Variants in LAPTM4B observed in about 807,000 individuals in gnomAD.
The protein encoded by LAPTM4B is lysosomal protein transmembrane 4 beta.
In LAPTM4B, 26 loss-of-function variants were observed where a neutral mutation model predicts 28.5. That is an observed-to-expected ratio of 0.91 (90% CI 0.67 to 1.27). The LOEUF (loss-of-function observed/expected upper bound fraction) is 1.27. Among genes scored for constraint, LAPTM4B ranks in the 50% most tolerant of loss-of-function variants. The probability of loss-of-function intolerance (pLI) is 0.00; values close to 1 mark genes in which losing one functional copy is unlikely to be tolerated. For missense variants in LAPTM4B, 288 were observed against 285.8 expected (o/e 1.01, Z -0.06); for synonymous variants, 109 against 106.4 (o/e 1.02, Z -0.15).
rs145168693 is a variant in LAPTM4B, at chr8:97,801,218, G to T, written c.100-4135G>T. Among the ~76,000 whole-genome samples, 901 of 140,266 alleles carry T rather than the reference G, an allele frequency of 6.4e-3. 7 individuals carry two copies. The highest frequency in any genetic ancestry group is 0.022 in the African/African-American group (848 of 37,858). 92.0% of individuals were successfully genotyped at this position (140,266 alleles called of 152,430 possible). A position where few individuals can be genotyped will look rare whatever the true frequency, so the allele number is the denominator to read the frequency against. Reference sequence around the variant, plus strand: ...TTTGAGATGGAGTTTCGCTCTTGTTGCCCAGGCTGGAGTGCAATGGTGCCA... The same window carrying T: ...TTTGAGATGGAGTTTCGCTCTTGTTTCCCAGGCTGGAGTGCAATGGTGCCA... On this transcript the variant is annotated intron_variant, in intron 1 of 6. Transcript: ENST00000521545.
chr8:97,777,839 A>G (rs1816250557), intron 1 of LAPTM4B, among the ~76,000 whole-genome samples: 1 of 152,212 alleles, frequency 6.6e-6, no homozygotes, highest in African/African-American at 2.4e-5. Context: ...GTGGCTCAAA[A>G]TAGTTGGTGC....
At chr8:97,834,570 T>C (rs779396287) in intron 6 of LAPTM4B, among the ~76,000 whole-genome samples, 26 of 150,466 alleles carry the variant, frequency 1.7e-4, no homozygotes, top group Non-Finnish European at 3.4e-4. Flanking sequence ...TGTGTGTGTT[T>C]ATGTGTGTGT....
chr8:97,821,602 G>A lies in LAPTM4B; in HGVS notation c.507+2364G>A, dbSNP rs116418011. 6.0e-3 allele frequency among the ~76,000 whole-genome samples: 904 copies of A among 151,750 alleles called. 6 individuals are homozygous for A. Among genetic ancestry groups the A allele is most frequent in the African/African-American group, 0.021 (848 of 41,054 alleles). ...AGGTAGTGGTGCATCAAGCGTAGCTGTGACGGTTTTGCATATGCTCTGCTA... is the reference window on the plus strand; with the variant it reads ...AGGTAGTGGTGCATCAAGCGTAGCTATGACGGTTTTGCATATGCTCTGCTA... On this transcript the variant is annotated intron_variant, in intron 5 of 6. Coordinates refer to ENST00000521545, the MANE Select transcript of LAPTM4B (RefSeq NM_018407.6).
chr8:97,789,058 ATTTATTTATT>A (rs1563602190), intron 1 of LAPTM4B, among the ~76,000 whole-genome samples: 6 of 80,418 alleles, frequency 7.5e-5, no homozygotes, highest in African/African-American at 3.8e-4. Flanking sequence ...TTATTTATTT[ATTTATTTATT>A]TATTTATTTA....
rs1460159560 is a variant in LAPTM4B at position 97,836,656 on chromosome 8, G to A, written c.603+11503G>A. On this transcript the variant is annotated intron_variant, in intron 6 of 6. Coordinates refer to ENST00000521545, the MANE Select transcript of LAPTM4B (RefSeq NM_018407.6). ...GTGAGGTTGATATTTAGCCAAAATGGTATATAAGAATTCTGATTGCAGATA... is the reference window on the plus strand; with the variant it reads ...GTGAGGTTGATATTTAGCCAAAATGATATATAAGAATTCTGATTGCAGATA... Among the ~76,000 whole-genome samples the A allele has an allele frequency of 2.0e-5, 3 of 151,918 alleles. No homozygotes were observed. In the South Asian group the frequency reaches 6.2e-4, roughly 32 times the overall value.
In LAPTM4B at chr8:97,825,136, A is replaced by G. The variant is rs1377833910; in HGVS notation, c.586A>G (p.Thr196Ala). 4 of 1,595,130 alleles carry G rather than the reference A, an allele frequency of 2.5e-6. No individual in the cohort carries two copies. Among genetic ancestry groups the G allele is most frequent in the Non-Finnish European group, 3.4e-6 (4 of 1,162,960 alleles). The change falls in exon 6 of 7, where the codon ACC (threonine) becomes GCC (alanine). Residue 196 changes from threonine to alanine, a missense_variant. Transcript: ENST00000521545. ...RNSSDVLVYV[T>A]SNDTTVLLPP... ...CTCCTCTGATGTCCTGGTTTATGTT[A>G]CCAGCAATGACACTACGGTAGGTAT...
intron 1 of LAPTM4B, among the ~76,000 whole-genome samples, chr8:97,802,902 AG>A: frequency 6.6e-6 from 1 of 152,150 alleles, no homozygotes; most frequent in East Asian, 1.9e-4. Flanking sequence ...AAATACAGGA[AG>A]AAAAAAAGTT....
At chr8:97,789,828 C>T (rs562193142) in intron 1 of LAPTM4B, among the ~76,000 whole-genome samples, 2 of 152,130 alleles carry the variant, frequency 1.3e-5, no homozygotes, top group Admixed American at 1.3e-4. Flanking sequence ...GCCCTCTTTC[C>T]ACCTTTTTGT....
rs922232225 is a variant in LAPTM4B at position 97,815,525 on chromosome 8, G to A, written c.285+124G>A. On this transcript the variant is annotated intron_variant, in intron 3 of 6. Coordinates refer to ENST00000521545, the MANE Select transcript of LAPTM4B (RefSeq NM_018407.6). ...TTAAGAATCTCTGTTTAAATCTCTC[G>A]TTTGTATTATGTGGTACTAGGAAAA... is the stretch of plus-strand genomic sequence containing the variant. The A allele has an allele frequency of 1.8e-4, 135 of 757,978 alleles. 1 individual carries two copies. The highest frequency in any genetic ancestry group is 1.0e-4 in the Admixed American group (4 of 39,338). 47.0% of individuals were successfully genotyped at this position (757,978 alleles called of 1,614,324 possible).
chr8:97,843,991 T>C (rs1817391628), intron 6 of LAPTM4B, among the ~76,000 whole-genome samples: 1 of 152,004 alleles, frequency 6.6e-6, no homozygotes, highest in Admixed American at 6.6e-5. Context: ...TATCTGTGTA[T>C]ATGTAGAAAT....
chr8:97,805,345 T>C lies in LAPTM4B; in HGVS notation c.100-8T>C, dbSNP rs1563608286. Reference sequence around the variant, plus strand: ...AATTCTTTTTTTTTTTTTTTTTTCTTGTTGCAGATCATCAATGCTGTGGTA... The same window carrying C: ...AATTCTTTTTTTTTTTTTTTTTTCTCGTTGCAGATCATCAATGCTGTGGTA... On this transcript the variant is annotated splice_region_variant and splice_polypyrimidine_tract_variant and intron_variant, in intron 1 of 6. Coordinates refer to ENST00000521545, the MANE Select transcript of LAPTM4B (RefSeq NM_018407.6). 1 of 1,283,728 alleles carries C rather than the reference T, an allele frequency of 7.8e-7. No homozygotes were observed. The highest frequency in any genetic ancestry group is 2.1e-5 in the Admixed American group (1 of 47,996). 79.5% of individuals were successfully genotyped at this position (1,283,728 alleles called of 1,614,324 possible).
chr8:97,789,838 T>G (rs575923205), intron 1 of LAPTM4B, among the ~76,000 whole-genome samples: 7 of 152,260 alleles, frequency 4.6e-5, no homozygotes, highest in African/African-American at 1.7e-4. Context: ...CACCTTTTTG[T>G]ACCCATTAAC....
intron 2 of LAPTM4B, among the ~76,000 whole-genome samples, chr8:97,814,879 C>T (rs1816881282): frequency 6.6e-6 from 1 of 152,028 alleles, no homozygotes; most frequent in South Asian, 2.1e-4. Context: ...ATTTTTAGTA[C>T]ACATGGGGTT....
rs117405510 is a variant in LAPTM4B at position 97,846,144 on chromosome 8, C to T, written c.604-5253C>T. Among the ~76,000 whole-genome samples, 76 of 150,874 alleles carry T rather than the reference C, an allele frequency of 5.0e-4. No homozygotes were observed. In the East Asian group the frequency reaches 0.011, roughly 21 times the overall value. The stretch of plus-strand genomic sequence containing the variant: ...TGTTGGAGTTACAGGTGTGAGCCAC[C>T]GCACCAACACAATCATATCTTTTAA... On this transcript the variant is annotated intron_variant, in intron 6 of 6. Coordinates refer to ENST00000521545, the MANE Select transcript of LAPTM4B (RefSeq NM_018407.6).
rs117522233 is a variant in LAPTM4B, at chr8:97,836,089, T to C, written c.603+10936T>C. Among the ~76,000 whole-genome samples the C allele has an allele frequency of 3.1e-3, 478 of 151,836 alleles. 11 individuals carry two copies. The East Asian group carries it at 0.059, about 19-fold the overall frequency. Reference sequence around the variant, plus strand: ...ATCACACAGCCCCCTCACCCCCTCATCAACCCCTTAGCAAAGTTGTCTTCC... The same window carrying C: ...ATCACACAGCCCCCTCACCCCCTCACCAACCCCTTAGCAAAGTTGTCTTCC... On this transcript the variant is annotated intron_variant, in intron 6 of 6. Transcript: ENST00000521545.
At chr8:97,799,080 T>C (rs1205125596) in intron 1 of LAPTM4B, among the ~76,000 whole-genome samples, 2 of 152,186 alleles carry the variant, frequency 1.3e-5, no homozygotes, top group Non-Finnish European at 2.9e-5. Flanking sequence ...TCTGCCTCCA[T>C]GTGGAAAGGT....
At chr8:97,820,104 C>G (rs1280338877) in intron 5 of LAPTM4B, among the ~76,000 whole-genome samples, 1 of 152,056 alleles carries the variant, frequency 6.6e-6, no homozygotes, top group Admixed American at 6.5e-5. Context: ...ATTGATGTCC[C>G]CCAAAGTTAA....
chr8:97,791,223 A>G (rs370320517), intron 1 of LAPTM4B, among the ~76,000 whole-genome samples: 4 of 152,120 alleles, frequency 2.6e-5, no homozygotes, highest in African/African-American at 9.7e-5. Flanking sequence ...TTTTGTGCAC[A>G]GAGTTTAGGT....
intron 6 of LAPTM4B, 83 bp from the exon 7 acceptor site, chr8:97,851,314 C>A: frequency 9.3e-7 from 1 of 1,073,122 alleles, no homozygotes; most frequent in Non-Finnish European, 1.4e-6. Context: ...TGTTTAGTTG[C>A]ATAAAAGTTC....
Sources: allele counts gnomAD v4.1 joint callset (sites outside exome capture counted in the v4.1 genomes callset), GRCh38; gene constraint gnomAD v4.1.1; transcripts MANE v1.5; gene names NCBI Gene and HGNC (gene_info 2026-07-23, HGNC 2026-07-21).